Variants in MEOX2 observed in about 807,000 individuals in gnomAD.
MEOX2 encodes the protein mesenchyme homeobox 2, also known as homeobox protein MOX-2.
Under a neutral mutation model 27.0 loss-of-function variants are expected in MEOX2, and 11 were observed. That is an observed-to-expected ratio of 0.41 (90% CI 0.26 to 0.68). MEOX2 has a LOEUF of 0.68. MEOX2 is among the 30% of genes least tolerant of loss of function. The pLI is 0.33. For synonymous variants in MEOX2, 189 were observed against 155.4 expected, an observed-to-expected ratio of 1.22 and a Z score of -1.61; for missense variants, 436 against 385.4, an observed-to-expected ratio of 1.13 and a Z score of -1.10.
chr7:15,669,909 T>A (rs1200983510), intron 1 of MEOX2, among the ~76,000 whole-genome samples: 1 of 152,212 alleles, frequency 6.6e-6, no homozygotes, highest in Non-Finnish European at 1.5e-5. Context: ...GATTAAGTTT[T>A]CATACTTTCC....
chr7:15,673,092 G>A (rs1445969465), intron 1 of MEOX2, among the ~76,000 whole-genome samples: 1 of 152,048 alleles, frequency 6.6e-6, no homozygotes, highest in Non-Finnish European at 1.5e-5. Context: ...TCATTATAAG[G>A]GAAGCATTTC....
intron 1 of MEOX2, among the ~76,000 whole-genome samples, chr7:15,659,424 G>C (rs918434073): frequency 5.9e-5 from 9 of 152,090 alleles, no homozygotes; most frequent in African/African-American, 2.2e-4. Flanking sequence ...TCTGCTATGT[G>C]TCAAAGTATC....
At chr7:15,640,212 T>A (rs1583759103) in intron 1 of MEOX2, among the ~76,000 whole-genome samples, 1 of 151,808 alleles carries the variant, frequency 6.6e-6, no homozygotes, top group East Asian at 1.9e-4. Flanking sequence ...AGGTCTGTTC[T>A]AGGTTTGTTG....
At chr7:15,651,683 A>G (rs1313800705) in intron 1 of MEOX2, among the ~76,000 whole-genome samples, 1 of 151,952 alleles carries the variant, frequency 6.6e-6, no homozygotes, top group African/African-American at 2.4e-5. Context: ...TAGACTCTGT[A>G]CTCTTGATCA....
intron 1 of MEOX2, among the ~76,000 whole-genome samples, chr7:15,635,150 C>G (rs1306996889): frequency 6.6e-6 from 1 of 151,918 alleles, no homozygotes; most frequent in African/African-American, 2.4e-5. Context: ...TCCACCTGCT[C>G]TCTACCTGAG....
intron 1 of MEOX2, among the ~76,000 whole-genome samples, chr7:15,666,779 A>ATATATATAT (rs58489396): frequency 6.0e-5 from 2 of 33,318 alleles, no homozygotes; most frequent in African/African-American, 2.2e-4. Context: ...AAAAAAAAAA[A>ATATATATAT]ATATATATAT....
chr7:15,673,941 T>C lies in MEOX2; in HGVS notation c.517+11945A>G, dbSNP rs142578900. Among the ~76,000 whole-genome samples the C allele has an allele frequency of 1.7e-4, 26 of 152,202 alleles. No individual in the cohort carries two copies. The East Asian group carries it at 5.0e-3, about 29-fold the overall frequency. ...CAAAGACTAAGTGAAAAGTTCACTT[T>C]GCCACAAAAGCAGTGCTCTAAATAC... is the stretch of plus-strand genomic sequence containing the variant. On this transcript the variant is annotated intron_variant, in intron 1 of 2. Transcript: ENST00000262041.
chr7:15,648,117 G>C (rs1238805353), intron 1 of MEOX2, among the ~76,000 whole-genome samples: 1 of 151,470 alleles, frequency 6.6e-6, no homozygotes, highest in Non-Finnish European at 1.5e-5. Flanking sequence ...TAATTAACAG[G>C]TATTTAAAAA....
At position 15,667,303 on chromosome 7, in the gene MEOX2, A is replaced by AAAAAAAAAAAG. The variant is rs1562612186; in HGVS notation, c.517+18582_517+18583insCTTTTTTTTTT. On this transcript the variant is annotated intron_variant, in intron 1 of 2. Coordinates refer to ENST00000262041, the MANE Select transcript of MEOX2 (RefSeq NM_005924.5). ...AGACTCTGTCTCAAAAAAAAAAAAA[A>AAAAAAAAAAAG]AAAAAAAAAGTAGGAAATAAGAGGT... 2.1e-4 allele frequency among the ~76,000 whole-genome samples: 31 copies of AAAAAAAAAAAG among 148,014 alleles called. 3 individuals are homozygous for AAAAAAAAAAAG. Among genetic ancestry groups the AAAAAAAAAAAG allele is most frequent in the African/African-American group, 7.1e-4 (29 of 40,754 alleles).
chr7:15,684,593 A>G (rs2115400158), intron 1 of MEOX2, among the ~76,000 whole-genome samples: 1 of 152,338 alleles, frequency 6.6e-6, no homozygotes, highest in African/African-American at 2.4e-5. Context: ...ATGGTGAAGG[A>G]ATATTAAATA....
At chr7:15,663,014 T>C (rs1021780843) in intron 1 of MEOX2, among the ~76,000 whole-genome samples, 1 of 152,106 alleles carries the variant, frequency 6.6e-6, no homozygotes, top group Non-Finnish European at 1.5e-5. Context: ...AGGATGTAAG[T>C]AGCATGAAAT....
At chr7:15,631,289 T>C (rs1386650304) in intron 1 of MEOX2, among the ~76,000 whole-genome samples, 1 of 151,918 alleles carries the variant, frequency 6.6e-6, no homozygotes, top group Non-Finnish European at 1.5e-5. Flanking sequence ...AGATGTACTC[T>C]TTTTCACTAT....
intron 1 of MEOX2, among the ~76,000 whole-genome samples, chr7:15,657,525 T>C (rs1429024037): frequency 6.6e-6 from 1 of 152,198 alleles, no homozygotes; most frequent in Non-Finnish European, 1.5e-5. Flanking sequence ...AGTTTTATAA[T>C]TTCCACTTGG....
chr7:15,655,559 C>T (rs1781805811), intron 1 of MEOX2, among the ~76,000 whole-genome samples: 1 of 151,682 alleles, frequency 6.6e-6, no homozygotes, highest in Non-Finnish European at 1.5e-5. Flanking sequence ...ACAAAATTAA[C>T]AATGTTGTAT....
At chr7:15,636,998 C>T (rs577315486) in intron 1 of MEOX2, among the ~76,000 whole-genome samples, 10 of 152,136 alleles carry the variant, frequency 6.6e-5, no homozygotes, top group African/African-American at 2.4e-4. Context: ...ATCAAGTTTT[C>T]AACACGTGAA....
rs527340271 is a variant in MEOX2, at chr7:15,615,198, T to A, written c.691-2587A>T. Among the ~76,000 whole-genome samples the A allele has an allele frequency of 3.9e-5, 6 of 152,202 alleles. No homozygotes were observed. In the East Asian group the frequency reaches 7.7e-4, roughly 20 times the overall value. On this transcript the variant is annotated intron_variant, in intron 2 of 2. Transcript: ENST00000262041. Reference sequence around the variant, plus strand: ...TGGTGCTGTTTATACAGTATTCTAATACAGTTTTCCAGATATTATTACCAT... The same window carrying A: ...TGGTGCTGTTTATACAGTATTCTAAAACAGTTTTCCAGATATTATTACCAT...
At chr7:15,651,139 G>T (rs1253878329) in intron 1 of MEOX2, among the ~76,000 whole-genome samples, 4 of 152,014 alleles carry the variant, frequency 2.6e-5, no homozygotes, top group African/African-American at 7.2e-5. Context: ...GAAGCCATTG[G>T]TGATTTTTAA....
chr7:15,649,115 C>T (rs1301916387), intron 1 of MEOX2, among the ~76,000 whole-genome samples: 1 of 152,004 alleles, frequency 6.6e-6, no homozygotes, highest in African/African-American at 2.4e-5. Flanking sequence ...TCTGCAATAG[C>T]CATGCATATG....
At chr7:15,642,985 TA>T (rs1385205244) in intron 1 of MEOX2, among the ~76,000 whole-genome samples, 1 of 152,180 alleles carries the variant, frequency 6.6e-6, no homozygotes, top group Non-Finnish European at 1.5e-5. Flanking sequence ...CCTACAAGGA[TA>T]AAGTGTTGGA....
Sources: gnomAD v4.1 joint callset for allele counts (sites outside exome capture counted in the v4.1 genomes callset) on GRCh38, gnomAD v4.1.1 for gene constraint, MANE v1.5 for transcripts, NCBI Gene and HGNC (gene_info 2026-07-23, HGNC 2026-07-21) for gene names.